POGK: variants seen among roughly 807,000 people sequenced by gnomAD.
The protein encoded by POGK is pogo transposable element derived with KRAB domain.
A neutral mutation model predicts 54.4 loss-of-function variants in POGK; 16 were observed. That is an observed-to-expected ratio of 0.29 (90% CI 0.20 to 0.45). The LOEUF is 0.45. POGK is among the 20% of genes least tolerant of loss of function. The probability of loss-of-function intolerance (pLI) is 1.00; values close to 1 mark genes in which losing one functional copy is unlikely to be tolerated. For synonymous variants in POGK, 271 were observed against 302.2 expected (o/e 0.90, Z 1.07); for missense variants, 515 against 795.6 (o/e 0.65, Z 4.24).
chr1:166,850,133 G>T lies in POGK; in HGVS notation c.1554G>T (p.Val518=), dbSNP rs756270715. ...TCTACAAGCCACTGAATGACAGTGT[G>T]CGGGCCCAGTACTCCAACTGGCTTC... ...VVVYKPLNDS[V]RAQYSNWLLA... The change falls in exon 5 of 6, where the codon GTG becomes GTT. Residue 518 remains valine (V), a synonymous_variant. Coordinates refer to ENST00000367876, the MANE Select transcript of POGK (RefSeq NM_017542.5). 6 of 1,588,496 alleles carry T rather than the reference G, an allele frequency of 3.8e-6. No individual in the cohort carries two copies. In the South Asian group the frequency reaches 5.7e-5, roughly 15 times the overall value.
At position 166,856,014 on chromosome 1, in the gene POGK, C is replaced by CTT. The variant is rs1184754345; in HGVS notation, c.*3445_*3446dup. The CTT allele has an allele frequency of 6.6e-6, 1 of 151,866 alleles. No individual in the cohort carries two copies. The highest frequency in any genetic ancestry group is 6.6e-5 in the Admixed American group (1 of 15,262). The allele number at this position is 151,866 out of a possible 1,614,324, so 9.4% of individuals were successfully genotyped here. ...AGCTATTGATTTTTTTTTAAGAAGT[C>CTT]TTAATCTATACATAAGAAATTACAT... On this transcript the variant is annotated 3_prime_UTR_variant, in exon 6 of 6. Transcript: ENST00000367876.
intron 2 of POGK, among the ~76,000 whole-genome samples, chr1:166,846,105 C>T (rs533556737): frequency 6.6e-6 from 1 of 152,298 alleles, no homozygotes; most frequent in Admixed American, 6.5e-5. Context: ...GCCCTGGAAA[C>T]CCACAAAGAT....
intron 5 of POGK, chr1:166,851,331 A>G (rs1446341264): frequency 1.3e-5 from 2 of 152,206 alleles, no homozygotes; most frequent in African/African-American, 4.8e-5. Context: ...GCTTTTCCCT[A>G]CAGAGTTCAG....
At position 166,841,093 on chromosome 1, in the gene POGK, G is replaced by C; in HGVS notation, c.132+5G>C. ...ATCTGCTCTGAGGGCGGATGGGTAA[G>C]TAAGAAGGTGTGGAGTCCACACAGC... On this transcript the variant is annotated splice_donor_5th_base_variant and intron_variant, in intron 2 of 5. Transcript: ENST00000367876. The C allele has an allele frequency of 6.2e-7, 1 of 1,613,362 alleles. No individual in the cohort carries two copies. The highest frequency in any genetic ancestry group is 1.3e-5 in the African/African-American group (1 of 75,038).
chr1:166,852,125 C>G, intron 5 of POGK: 1 of 152,332 alleles, frequency 6.6e-6, no homozygotes. Context: ...TCCAGCCTCC[C>G]TTTTCTGCTG....
At position 166,855,666 on chromosome 1, in the gene POGK, C is replaced by G. The variant is rs1658249399; in HGVS notation, c.*3096C>G. The G allele has an allele frequency of 6.6e-6, 1 of 152,372 alleles. No homozygotes were observed. The highest frequency in any genetic ancestry group is 1.5e-5 in the Non-Finnish European group (1 of 68,190). 9.4% of individuals were successfully genotyped at this position (152,372 alleles called of 1,614,324 possible). On this transcript the variant is annotated 3_prime_UTR_variant, in exon 6 of 6. Transcript: ENST00000367876. ...ATGGTCCCACCAGGTGGGTAGGTGA[C>G]TAGGAATTCAGGCCAGGTCCTAGAG...
In POGK at chr1:166,853,048, T is replaced by A. The variant is rs913867877; in HGVS notation, c.*478T>A. 1 of 152,338 alleles carries A rather than the reference T, an allele frequency of 6.6e-6. No homozygotes were observed. The allele number at this position is 152,338 out of a possible 1,614,324, so 9.4% of individuals were successfully genotyped here. A position where few individuals can be genotyped will look rare whatever the true frequency, so the allele number is the denominator to read the frequency against. ...AAAATGCTTCCAAAAGTAGACCCTGTCCCCACACAGGTCAAGACTACAGAG... is the reference window on the plus strand; with the variant it reads ...AAAATGCTTCCAAAAGTAGACCCTGACCCCACACAGGTCAAGACTACAGAG... On this transcript the variant is annotated 3_prime_UTR_variant, in exon 6 of 6. Transcript: ENST00000367876.
Position 166,847,558 on chromosome 1 carries a change from T to G in POGK, c.324T>G (p.Ser108=). ...RLEGEEESQN[S]DEWQLQGGTS... ...AAGGGGAGGAGGAGTCTCAGAATTCTGACGAGTGGCAGCTCCAAGGAGGCA... is the reference window on the plus strand; with the variant it reads ...AAGGGGAGGAGGAGTCTCAGAATTCGGACGAGTGGCAGCTCCAAGGAGGCA... Residue 108 remains serine, a synonymous_variant, in exon 4 of 6, where the codon TCT becomes TCG. Transcript: ENST00000367876. 3.1e-6 allele frequency: 5 copies of G among 1,613,968 alleles called. No homozygotes were observed. Among genetic ancestry groups the G allele is most frequent in the Non-Finnish European group, 4.2e-6 (5 of 1,179,882 alleles).
At chr1:166,842,868 C>G (rs1476499995) in intron 2 of POGK, among the ~76,000 whole-genome samples, 1 of 152,074 alleles carries the variant, frequency 6.6e-6, no homozygotes, top group Non-Finnish European at 1.5e-5. Flanking sequence ...CATACACACA[C>G]AACAAAGAGG....
chr1:166,849,135 A>G lies in POGK; in HGVS notation c.556A>G (p.Ile186Val), dbSNP rs770571769. 6.2e-7 allele frequency: 1 copy of G among 1,614,162 alleles called. No individual in the cohort carries two copies. Among genetic ancestry groups the G allele is most frequent in the Non-Finnish European group, 8.5e-7 (1 of 1,180,034 alleles). ...FPGYDLSADD[I>V]AGKFQFSRGM... ...AGGGTATGACCTCTCGGCTGATGAC[A>G]TAGCTGGGAAGTTTCAGTTCAGCCG... The change falls in exon 5 of 6, where the codon ATA (isoleucine) becomes GTA (valine). Residue 186 changes from isoleucine (I) to valine (V), a missense_variant. Ile to Val is a conservative substitution (Grantham distance 29). Coordinates refer to ENST00000367876, the MANE Select transcript of POGK (RefSeq NM_017542.5).
At position 166,850,039 on chromosome 1, in the gene POGK, G is replaced by A; in HGVS notation, c.1460G>A (p.Ser487Asn). ...ATDSVKNSME[S>N]MNTDMVIIPG... Reference sequence around the variant, plus strand: ...GATTCCGTGAAGAACTCCATGGAAAGCATGAACACTGACATGGTGATCATC... The same window carrying A: ...GATTCCGTGAAGAACTCCATGGAAAACATGAACACTGACATGGTGATCATC... The change falls in exon 5 of 6, where the codon AGC becomes AAC. Residue 487 changes from serine to asparagine, a missense_variant. By Grantham distance (46) the Ser-to-Asn change is conservative. Coordinates refer to ENST00000367876, the MANE Select transcript of POGK (RefSeq NM_017542.5). 1 of 1,614,212 alleles carries A rather than the reference G, an allele frequency of 6.2e-7. No homozygotes were observed. Among genetic ancestry groups the A allele is most frequent in the Non-Finnish European group, 8.5e-7 (1 of 1,180,040 alleles).
intron 1 of POGK, 55 bp from the exon 2 acceptor site, chr1:166,840,900 C>T (rs1348084828): frequency 8.4e-5 from 135 of 1,603,330 alleles, no homozygotes; most frequent in Non-Finnish European, 1.1e-4. Context: ...CCATCATAGG[C>T]TTTGGGGAGG....
chr1:166,844,743 A>C (rs1397493081), intron 2 of POGK, among the ~76,000 whole-genome samples: 1 of 152,220 alleles, frequency 6.6e-6, no homozygotes, highest in East Asian at 1.9e-4. Flanking sequence ...GCTTTCAACA[A>C]GCTCAGATTC....
intron 5 of POGK, chr1:166,851,807 ATTCT>A (rs1446527312): frequency 1.3e-5 from 2 of 152,216 alleles, no homozygotes; most frequent in African/African-American, 4.8e-5. Context: ...ATCTTCACAC[ATTCT>A]TTTTCTTTCT....
chr1:166,839,851 C>CG (rs1657406997), intron 1 of POGK: 1 of 150,986 alleles, frequency 6.6e-6, no homozygotes, highest in Admixed American at 6.6e-5. Context: ...CGCGGTTCCG[C>CG]GGAGAAAGGG....
rs1022465439 is a variant in POGK at position 166,849,569 on chromosome 1, C to G, written c.990C>G (p.His330Gln). 1.2e-6 allele frequency: 2 copies of G among 1,614,280 alleles called. No individual in the cohort carries two copies. The highest frequency in any genetic ancestry group is 1.7e-6 in the Non-Finnish European group (2 of 1,180,046). Residue 330 changes from histidine (H) to glutamine (Q), a missense_variant, in exon 5 of 6, where the codon CAC becomes CAG. His to Gln is a conservative substitution (Grantham distance 24). Transcript: ENST00000367876. ...SLRHKVPVPQ[H>Q]LPEDLTEKLV... ...GGCATAAAGTGCCCGTGCCCCAGCACCTGCCGGAAGACCTGACTGAGAAAC... is the reference window on the plus strand; with the variant it reads ...GGCATAAAGTGCCCGTGCCCCAGCAGCTGCCGGAAGACCTGACTGAGAAAC...
rs201461323 is a variant in POGK, at chr1:166,849,440, G to A, written c.861G>A (p.Leu287=). Reference sequence around the variant, plus strand: ...CCATCACCCGGGAGGCGATGCAGCTGAAAGCTCTCGAAATCGCCCAGGAAA... The same window carrying A: ...CCATCACCCGGGAGGCGATGCAGCTAAAAGCTCTCGAAATCGCCCAGGAAA... ...GDPITREAMQ[L]KALEIAQEMN... is the part of the protein sequence containing the mutation. Residue 287 remains leucine, a synonymous_variant, in exon 5 of 6, where the codon CTG becomes CTA. Coordinates refer to ENST00000367876, the MANE Select transcript of POGK (RefSeq NM_017542.5). 45 of 1,614,128 alleles carry A rather than the reference G, an allele frequency of 2.8e-5. No individual in the cohort carries two copies. Among genetic ancestry groups the A allele is most frequent in the Non-Finnish European group, 5.1e-6 (6 of 1,180,050 alleles).
At chr1:166,840,878 G>T in intron 1 of POGK, 77 bp from the exon 2 acceptor site, 3 of 1,571,308 alleles carry the variant, frequency 1.9e-6, no homozygotes, top group Non-Finnish European at 2.6e-6. Context: ...TTTGTATGTG[G>T]CTCAGCCTCC....
chr1:166,853,279 G>A lies in POGK; in HGVS notation c.*709G>A, dbSNP rs936802033. 1 of 152,534 alleles carries A rather than the reference G, an allele frequency of 6.6e-6. No homozygotes were observed. The highest frequency in any genetic ancestry group is 2.4e-5 in the African/African-American group (1 of 41,394). The allele number at this position is 152,534 out of a possible 1,614,324, so 9.4% of individuals were successfully genotyped here. A position where few individuals can be genotyped will look rare whatever the true frequency, so the allele number is the denominator to read the frequency against. On this transcript the variant is annotated 3_prime_UTR_variant, in exon 6 of 6. Coordinates refer to ENST00000367876, the MANE Select transcript of POGK (RefSeq NM_017542.5). ...TTTTATTTATCTTCCCAACCTGATT[G>A]GCAGCTAGACTTTTTTAGGGTCTCA...
Sources: gnomAD v4.1 joint callset for allele counts (sites outside exome capture counted in the v4.1 genomes callset) on GRCh38, gnomAD v4.1.1 for gene constraint, MANE v1.5 for transcripts, NCBI Gene and HGNC (gene_info 2026-07-23, HGNC 2026-07-21) for gene names.